PHF2: variants seen among roughly 807,000 people sequenced by gnomAD.
PHF2 encodes the protein PHD finger protein 2, also known as lysine-specific demethylase PHF2.
Under a neutral mutation model 120.5 loss-of-function variants are expected in PHF2, and 27 were observed. The observed-to-expected ratio is 0.22, with a 90% CI of 0.17 to 0.31. The LOEUF (loss-of-function observed/expected upper bound fraction) is 0.31. PHF2 is among the 10% of genes least tolerant of loss of function. The pLI, the probability that PHF2 is intolerant of heterozygous loss-of-function variation, is 1.00. For missense variants in PHF2, 1,024 were observed against 1,434.8 expected (o/e 0.71, Z 4.63); for synonymous variants, 568 against 592.5 (o/e 0.96, Z 0.60).
chr9:93,662,732 A>G (rs529256371), intron 12 of PHF2, among the ~76,000 whole-genome samples, 175 bp from the exon 13 acceptor site: 67 of 152,006 alleles, frequency 4.4e-4, no homozygotes, highest in African/African-American at 1.5e-3. Context: ...GGATGGATGG[A>G]TGGGTGGGTG....
rs558250798 is a variant in PHF2 at position 93,609,118 on chromosome 9, T to C, written c.99-20852T>C. On this transcript the variant is annotated intron_variant, in intron 1 of 21. Transcript: ENST00000359246. ...AGTGGTTGTTTTAAAATGTGCGATA[T>C]ACGTTTATGACTAATCCAAGTCCTC... Among the ~76,000 whole-genome samples the C allele has an allele frequency of 7.3e-5, 11 of 151,372 alleles. No homozygotes were observed. The East Asian group carries it at 1.7e-3, about 24-fold the overall frequency.
chr9:93,625,758 A>G (rs913409980), intron 1 of PHF2, among the ~76,000 whole-genome samples: 3 of 151,888 alleles, frequency 2.0e-5, no homozygotes, highest in African/African-American at 7.3e-5. Context: ...GATTACAGGC[A>G]TGAGTCACAA....
chr9:93,636,455 C>G lies in PHF2; in HGVS notation c.229C>G (p.Pro77Ala). Residue 77 changes from proline to alanine, a missense_variant, in exon 3 of 22, where the codon CCT (proline) becomes GCT (alanine). Around this residue, in one of 2 missense-constraint regions of PHF2, gnomAD observed 347 missense variants for 577.4 expected, o/e 0.60. Transcript: ENST00000359246. ...TWHKHGPGQA[P>A]DVKPVQNGSQ... ...GCACAAACACGGCCCGGGGCAAGCG[C>G]CTGACGTCAAGCCCGTGCAGAATGG... The G allele has an allele frequency of 6.2e-7, 1 of 1,610,750 alleles. No homozygotes were observed. The highest frequency in any genetic ancestry group is 8.5e-7 in the Non-Finnish European group (1 of 1,178,688).
intron 1 of PHF2, among the ~76,000 whole-genome samples, chr9:93,588,530 A>C (rs1863105498): frequency 6.6e-6 from 1 of 152,200 alleles, no homozygotes; most frequent in African/African-American, 2.4e-5. Context: ...TGGGACTCAG[A>C]GGATGAGCCC....
At chr9:93,603,692 G>A (rs115082091) in intron 1 of PHF2, among the ~76,000 whole-genome samples, 30 of 152,256 alleles carry the variant, frequency 2.0e-4, no homozygotes, top group African/African-American at 7.0e-4. Flanking sequence ...CTACATCACT[G>A]CCAGAGCCAC....
intron 5 of PHF2, among the ~76,000 whole-genome samples, chr9:93,649,600 C>T (rs1397212866): frequency 6.6e-6 from 1 of 151,972 alleles, no homozygotes; most frequent in Non-Finnish European, 1.5e-5. Flanking sequence ...TCAGACACAT[C>T]TATGACACAC....
Position 93,576,863 on chromosome 9 carries a change from C to T in PHF2, c.90C>T (p.Phe30=), listed in dbSNP as rs749215437. The change falls in exon 1 of 22, where the codon TTC becomes TTT. Residue 30 remains phenylalanine, a synonymous_variant. Coordinates refer to ENST00000359246, the MANE Select transcript of PHF2 (RefSeq NM_005392.4). The stretch of plus-strand genomic sequence containing the variant: ...AGTGCGACGCCTGCAAGGACTGGTT[C>T]CACGGCAGGTGAGCGCGCGGCGGCT... ...MIECDACKDW[F]HGSCVGVEEE... 8.0e-7 allele frequency: 1 copy of T among 1,251,970 alleles called. No homozygotes were observed. Among genetic ancestry groups the T allele is most frequent in the South Asian group, 1.3e-5 (1 of 74,788 alleles). The allele number at this position is 1,251,970 out of a possible 1,614,324, so 77.6% of individuals were successfully genotyped here. A position where few individuals can be genotyped will look rare whatever the true frequency, so the allele number is the denominator to read the frequency against.
intron 1 of PHF2, among the ~76,000 whole-genome samples, chr9:93,625,608 G>A (rs1191772693): frequency 2.7e-5 from 4 of 150,808 alleles, no homozygotes; most frequent in African/African-American, 4.9e-5. Context: ...CTCCTGAGTA[G>A]CTAGGGCCAC....
intron 1 of PHF2, among the ~76,000 whole-genome samples, chr9:93,588,416 A>G (rs1178627146): frequency 6.6e-6 from 1 of 152,210 alleles, no homozygotes; most frequent in African/African-American, 2.4e-5. Flanking sequence ...TCCTCAGGCC[A>G]GACACAGCCC....
chr9:93,619,231 C>A (rs1387293274), intron 1 of PHF2, among the ~76,000 whole-genome samples: 1 of 152,170 alleles, frequency 6.6e-6, no homozygotes, highest in Non-Finnish European at 1.5e-5. Flanking sequence ...CATCTCCTGG[C>A]TCCTGGGAGG....
intron 1 of PHF2, 140 bp downstream of exon 1, chr9:93,577,011 C>A: frequency 5.0e-6 from 1 of 200,212 alleles, no homozygotes; most frequent in Non-Finnish European, 8.7e-6. Context: ...CCGGGCGCCC[C>A]GGTCGGGGCT....
In PHF2 at chr9:93,654,362, C is replaced by T. The variant is rs191673593; in HGVS notation, c.790-51C>T. ...CGTTAGGACCTGTCACTTGCACCCC[C>T]GACCCCCGCATCCCAGTATGGGCGG... On this transcript the variant is annotated intron_variant, in intron 6 of 21. Transcript: ENST00000359246. The T allele has an allele frequency of 4.2e-4, 671 of 1,583,068 alleles. 2 individuals carry two copies. The African/African-American group carries it at 7.8e-3, about 18-fold the overall frequency.
chr9:93,674,860 C>G, intron 18 of PHF2, 67 bp from the exon 19 acceptor site: 1 of 1,153,816 alleles, frequency 8.7e-7, no homozygotes, highest in Non-Finnish European at 1.3e-6. Flanking sequence ...CACCTGTACC[C>G]CCCCGCCCTC....
Position 93,636,405 on chromosome 9 carries a change from C to G in PHF2, c.185-6C>G, listed in dbSNP as rs765011099. The G allele has an allele frequency of 6.9e-6, 11 of 1,599,194 alleles. No individual in the cohort carries two copies. The highest frequency in any genetic ancestry group is 9.4e-6 in the Non-Finnish European group (11 of 1,172,880). ...TGACCGACCTTGCTTCCGGTCTCCT[C>G]CACAGTAAAGAAGAAGCGGACCTGG... On this transcript the variant is annotated splice_region_variant and splice_polypyrimidine_tract_variant and intron_variant, in intron 2 of 21. Coordinates refer to ENST00000359246, the MANE Select transcript of PHF2 (RefSeq NM_005392.4).
At chr9:93,593,716 G>A (rs1825277916) in intron 1 of PHF2, among the ~76,000 whole-genome samples, 2 of 152,216 alleles carry the variant, frequency 1.3e-5, no homozygotes, top group Admixed American at 1.3e-4. Context: ...CGGAAATTAT[G>A]CAGTCGTCAG....
intron 1 of PHF2, 99 bp from the exon 2 acceptor site, chr9:93,629,871 C>T: frequency 8.4e-7 from 1 of 1,191,940 alleles, no homozygotes; most frequent in Non-Finnish European, 1.3e-6. Context: ...GCCCAGGTTC[C>T]CAGACAATGA....
chr9:93,583,424 A>T (rs1360795727), intron 1 of PHF2, among the ~76,000 whole-genome samples: 5 of 152,190 alleles, frequency 3.3e-5, no homozygotes, highest in Non-Finnish European at 7.3e-5. Flanking sequence ...TTGGATATAT[A>T]CTTGGGAATG....
Position 93,677,150 on chromosome 9 carries a change from C to T in PHF2, c.3202+187C>T, listed in dbSNP as rs1005600518. ...TGTGAGCGTATCCCACAGTACAGGA[C>T]GTGTGCTTTCATCCTTCTGCTCAGT... is the stretch of plus-strand genomic sequence containing the variant. On this transcript the variant is annotated intron_variant, in intron 21 of 21. Coordinates refer to ENST00000359246, the MANE Select transcript of PHF2 (RefSeq NM_005392.4). This position sits in a 1 kb window ranked among gnomAD's most constrained non-coding sequence, Gnocchi z 4.4. Among the ~76,000 whole-genome samples, 1 of 148,842 alleles carries T rather than the reference C, an allele frequency of 6.7e-6. No individual in the cohort carries two copies. Among genetic ancestry groups the T allele is most frequent in the Non-Finnish European group, 1.5e-5 (1 of 67,436 alleles).
intron 1 of PHF2, among the ~76,000 whole-genome samples, chr9:93,583,141 A>G (rs1862965421): frequency 1.3e-5 from 2 of 152,198 alleles, no homozygotes; most frequent in Admixed American, 1.3e-4. Context: ...GATATTTACT[A>G]TTTCATACGA....
Sources: gnomAD v4.1 joint callset for allele counts (sites outside exome capture counted in the v4.1 genomes callset) on GRCh38, gnomAD v4.1.1 for gene constraint, gnomAD v4.1.1 regional missense constraint, Gnocchi (gnomAD v3.1) non-coding constraint, MANE v1.5 for transcripts, NCBI Gene and HGNC (gene_info 2026-07-23, HGNC 2026-07-21) for gene names.